CPNE4: variants seen among roughly 807,000 people sequenced by gnomAD.
CPNE4 encodes copine-4.
In CPNE4, 25 loss-of-function variants were observed where a neutral mutation model predicts 67.9. The observed-to-expected ratio is 0.37, with a 90% confidence interval of 0.27 to 0.51. The LOEUF is 0.51. Ranked by LOEUF, CPNE4 falls within the 20% of genes least tolerant of loss-of-function variation. The pLI is 0.93. For missense variants in CPNE4, 464 were observed against 690.8 expected, an observed-to-expected ratio of 0.67 and a Z score of 3.68; for synonymous variants, 242 against 244.9, an observed-to-expected ratio of 0.99 and a Z score of 0.11.
chr3:131,953,980 T>TGTATCAAATAC (rs1160119354), intron 1 of CPNE4, among the ~76,000 whole-genome samples: 1 of 152,178 alleles, frequency 6.6e-6, no homozygotes, highest in African/African-American at 2.4e-5. Flanking sequence ...ACATTGTACA[T>TGTATCAAATAC]ATGTATCAAA....
chr3:131,631,198 A>T (rs555731220), intron 7 of CPNE4, among the ~76,000 whole-genome samples: 1 of 152,344 alleles, frequency 6.6e-6, no homozygotes, highest in Non-Finnish European at 1.5e-5. Flanking sequence ...TAAAATCATT[A>T]GAGTTAATAT....
chr3:131,904,465 T>C (rs1201417238), intron 2 of CPNE4, among the ~76,000 whole-genome samples: 1 of 152,112 alleles, frequency 6.6e-6, no homozygotes, highest in East Asian at 1.9e-4. Flanking sequence ...GTTGTTGGGT[T>C]CCCACGTGGC....
At chr3:131,952,413 C>T (rs1560665299) in intron 1 of CPNE4, among the ~76,000 whole-genome samples, 1 of 150,396 alleles carries the variant, frequency 6.6e-6, no homozygotes, top group Non-Finnish European at 1.5e-5. Flanking sequence ...CCGGCAGCCA[C>T]CCCATCTGGG....
intron 1 of CPNE4, among the ~76,000 whole-genome samples, chr3:131,965,506 C>T (rs2072317517): frequency 6.6e-6 from 1 of 152,078 alleles, no homozygotes; most frequent in Admixed American, 6.5e-5. Context: ...CACACATAGG[C>T]TCAAAATAAA....
intron 2 of CPNE4, among the ~76,000 whole-genome samples, chr3:131,886,062 G>C (rs945270790): frequency 6.6e-6 from 1 of 152,108 alleles, no homozygotes; most frequent in Non-Finnish European, 1.5e-5. Flanking sequence ...ATGTCTCCAG[G>C]ACATGTCAGA....
At chr3:131,826,186 TTTTTC>T (rs1469665131) in intron 2 of CPNE4, among the ~76,000 whole-genome samples, 1 of 140,140 alleles carries the variant, frequency 7.1e-6, no homozygotes, top group Admixed American at 6.9e-5. Flanking sequence ...TCTGGATGTC[TTTTTC>T]TTTTTTCTTT....
intron 1 of CPNE4, among the ~76,000 whole-genome samples, chr3:131,944,885 G>A (rs999306350): frequency 2.0e-5 from 3 of 152,104 alleles, no homozygotes; most frequent in African/African-American, 7.2e-5. Flanking sequence ...AGGAAATTAA[G>A]TAAAATCAAC....
At chr3:131,874,162 C>G (rs1359061901) in intron 2 of CPNE4, among the ~76,000 whole-genome samples, 1 of 151,544 alleles carries the variant, frequency 6.6e-6, no homozygotes, top group Non-Finnish European at 1.5e-5. Context: ...AATCTCGGCT[C>G]ACTGCAAGCT....
At chr3:131,580,260 G>T (rs1937712674) in intron 9 of CPNE4, among the ~76,000 whole-genome samples, 1 of 152,014 alleles carries the variant, frequency 6.6e-6, no homozygotes, top group African/African-American at 2.4e-5. Flanking sequence ...TAATGCTATT[G>T]TATACTTAAT....
At chr3:131,856,204 T>C (rs1250334182) in intron 2 of CPNE4, among the ~76,000 whole-genome samples, 1 of 152,012 alleles carries the variant, frequency 6.6e-6, no homozygotes, top group African/African-American at 2.4e-5. Flanking sequence ...ACCCAATATG[T>C]GTAGAACCTA....
chr3:131,682,492 A>G (rs929491840), intron 6 of CPNE4, among the ~76,000 whole-genome samples: 1 of 152,102 alleles, frequency 6.6e-6, no homozygotes, highest in Non-Finnish European at 1.5e-5. Flanking sequence ...TCCCAAACCA[A>G]TGGAGTCTGT....
intron 2 of CPNE4, among the ~76,000 whole-genome samples, chr3:131,865,068 G>A (rs1457027569): frequency 6.6e-6 from 1 of 152,110 alleles, no homozygotes; most frequent in East Asian, 1.9e-4. Flanking sequence ...CTTGATCATG[G>A]TGGATAAGCT....
At chr3:131,855,950 T>G (rs1208350812) in intron 2 of CPNE4, among the ~76,000 whole-genome samples, 1 of 151,962 alleles carries the variant, frequency 6.6e-6, no homozygotes, top group Non-Finnish European at 1.5e-5. Flanking sequence ...ATGCCTGCCT[T>G]TCTGAGTTCT....
At chr3:131,970,477 A>G (rs979976005) in intron 1 of CPNE4, among the ~76,000 whole-genome samples, 2 of 152,226 alleles carry the variant, frequency 1.3e-5, no homozygotes, top group Non-Finnish European at 2.9e-5. Context: ...AAATTGGTCT[A>G]ATCCCAAAGT....
chr3:131,684,582 C>T (rs1466754950), intron 6 of CPNE4, among the ~76,000 whole-genome samples: 1 of 152,170 alleles, frequency 6.6e-6, no homozygotes, highest in East Asian at 1.9e-4. Context: ...CCTAACAACA[C>T]CTGCAACTCT....
chr3:131,819,777 G>A (rs1044033079), intron 2 of CPNE4, among the ~76,000 whole-genome samples: 1 of 152,134 alleles, frequency 6.6e-6, no homozygotes, highest in Admixed American at 6.5e-5. Context: ...CATTAACACA[G>A]GAAGTAGAGA....
chr3:131,945,034 A>G (rs2071508514), intron 1 of CPNE4, among the ~76,000 whole-genome samples: 1 of 152,160 alleles, frequency 6.6e-6, no homozygotes, highest in Non-Finnish European at 1.5e-5. Context: ...TATATGTAGG[A>G]CATTGGGTTA....
chr3:131,613,243 A>T (rs1939950115), intron 7 of CPNE4, among the ~76,000 whole-genome samples: 1 of 152,214 alleles, frequency 6.6e-6, no homozygotes, highest in Non-Finnish European at 1.5e-5. Context: ...TCCTACTGAC[A>T]ACCTTAGTGA....
In CPNE4 at chr3:131,577,286, TAAAC is replaced by T. The variant is rs371909632; in HGVS notation, c.868-2160_868-2157del. ...ATATCTATGTATGTATACACACACA[TAAAC>T]ACACACATACACACACGTATACATA... On this transcript the variant is annotated intron_variant, in intron 9 of 15. Transcript: ENST00000429747. Among the ~76,000 whole-genome samples the T allele has an allele frequency of 2.2e-3, 331 of 152,098 alleles. 2 individuals carry two copies. The highest frequency in any genetic ancestry group is 7.7e-3 in the African/African-American group (321 of 41,492).
Sources: allele counts gnomAD v4.1 joint callset (sites outside exome capture counted in the v4.1 genomes callset), GRCh38; gene constraint gnomAD v4.1.1; transcripts MANE v1.5; gene names NCBI Gene and HGNC (gene_info 2026-07-23, HGNC 2026-07-21).